The following NELL2 variants were observed in gnomAD, a reference collection of about 807,000 sequenced individuals.
NELL2 encodes the protein protein kinase C-binding protein NELL2.
Under a neutral mutation model 109.6 loss-of-function variants are expected in NELL2, and 41 were observed. That is an observed-to-expected ratio of 0.37 (90% CI 0.29 to 0.49). The LOEUF (loss-of-function observed/expected upper bound fraction) is 0.49, where lower values mean the gene tolerates loss of function less well. Among genes scored for constraint, NELL2 ranks in the 20% least tolerant of loss-of-function variants. NELL2 has a pLI of 0.98. For missense variants in NELL2, 900 were observed against 1,008.3 expected (o/e 0.89, Z 1.45); for synonymous variants, 355 against 344.7 (o/e 1.03, Z -0.33).
chr12:44,700,925 G>A (rs1160216830), intron 12 of NELL2, among the ~76,000 whole-genome samples: 1 of 151,958 alleles, frequency 6.6e-6, no homozygotes, highest in African/African-American at 2.4e-5. Context: ...CCATGATCAG[G>A]AAAACTATTA....
At chr12:44,755,698 T>G (rs1442409004) in intron 9 of NELL2, among the ~76,000 whole-genome samples, 1 of 152,168 alleles carries the variant, frequency 6.6e-6, no homozygotes, top group Admixed American at 6.6e-5. Flanking sequence ...TCAACCTTGT[T>G]AGTGCTTCCT....
chr12:44,524,675 T>G (rs566937372), intron 16 of NELL2, among the ~76,000 whole-genome samples: 176 of 152,266 alleles, frequency 1.2e-3, no homozygotes, highest in Admixed American at 2.3e-3. Flanking sequence ...ACAGGACATT[T>G]TTTTTCTATT....
intron 1 of NELL2, among the ~76,000 whole-genome samples, chr12:44,919,418 A>G (rs1361667049): frequency 1.3e-5 from 2 of 152,160 alleles, no homozygotes; most frequent in Non-Finnish European, 2.9e-5. Context: ...TGTGGGTTGC[A>G]CTGTGTTCCC....
At chr12:44,816,877 G>A (rs570826705) in intron 2 of NELL2, among the ~76,000 whole-genome samples, 30 of 152,286 alleles carry the variant, frequency 2.0e-4, no homozygotes, top group Admixed American at 5.2e-4. Flanking sequence ...AGATTATATG[G>A]GGAAACAGAT....
intron 1 of NELL2, among the ~76,000 whole-genome samples, chr12:44,911,421 T>G (rs1439120471): frequency 6.6e-6 from 1 of 152,032 alleles, no homozygotes; most frequent in Non-Finnish European, 1.5e-5. Flanking sequence ...ATGATGGCAC[T>G]GTGGTTCAGT....
chr12:44,670,724 C>A (rs1948110095), intron 12 of NELL2, among the ~76,000 whole-genome samples: 1 of 151,618 alleles, frequency 6.6e-6, no homozygotes, highest in Admixed American at 6.6e-5. Flanking sequence ...ATATAGATGA[C>A]AAAGGAATCA....
intron 9 of NELL2, among the ~76,000 whole-genome samples, chr12:44,746,541 C>G (rs994149053): frequency 2.0e-5 from 3 of 152,112 alleles, no homozygotes; most frequent in Non-Finnish European, 1.5e-5. Flanking sequence ...ATTTTTGCAA[C>G]CTACTCATCT....
At chr12:44,851,070 C>A (rs911187571) in intron 2 of NELL2, among the ~76,000 whole-genome samples, 1 of 152,100 alleles carries the variant, frequency 6.6e-6, no homozygotes, top group Non-Finnish European at 1.5e-5. Context: ...TGAAACTAGG[C>A]TAGAGTGCTA....
At chr12:44,587,986 C>T (rs567663233) in intron 15 of NELL2, among the ~76,000 whole-genome samples, 1 of 151,994 alleles carries the variant, frequency 6.6e-6, no homozygotes, top group Non-Finnish European at 1.5e-5. Flanking sequence ...CCCGTCTCTA[C>T]TAAAAATACA....
chr12:44,565,963 C>A (rs1440079759), intron 15 of NELL2, among the ~76,000 whole-genome samples: 1 of 152,020 alleles, frequency 6.6e-6, no homozygotes, highest in African/African-American at 2.4e-5. Context: ...TGATTGGTCT[C>A]CTCTGAATTT....
intron 15 of NELL2, among the ~76,000 whole-genome samples, chr12:44,566,822 T>C (rs921158247): frequency 7.3e-6 from 1 of 136,960 alleles, no homozygotes; most frequent in Admixed American, 7.2e-5. Context: ...ACTATATGCA[T>C]TTTTTTTTTT....
intron 13 of NELL2, among the ~76,000 whole-genome samples, chr12:44,661,240 G>C (rs1025325336): frequency 6.6e-6 from 1 of 152,198 alleles, no homozygotes; most frequent in Non-Finnish European, 1.5e-5. Context: ...TGGGAAAGGG[G>C]GGCAAGATGT....
intron 2 of NELL2, among the ~76,000 whole-genome samples, chr12:44,849,685 T>C (rs1043777632): frequency 6.6e-6 from 1 of 152,156 alleles, no homozygotes; most frequent in African/African-American, 2.4e-5. Context: ...AAAGAAACTT[T>C]TAGAGAATAT....
chr12:44,798,186 G>A (rs762863204), intron 3 of NELL2, among the ~76,000 whole-genome samples: 1 of 150,614 alleles, frequency 6.6e-6, no homozygotes, highest in Non-Finnish European at 1.5e-5. Flanking sequence ...TTTGAGTTGG[G>A]ATTCTAATAT....
intron 19 of NELL2, among the ~76,000 whole-genome samples, chr12:44,510,808 T>C (rs1178896042): frequency 6.6e-6 from 1 of 152,166 alleles, no homozygotes; most frequent in Non-Finnish European, 1.5e-5. Context: ...ATCTCCAAGA[T>C]GCCCCAGGCT....
intron 9 of NELL2, among the ~76,000 whole-genome samples, chr12:44,728,610 T>C (rs1268319293): frequency 6.6e-6 from 1 of 152,096 alleles, no homozygotes; most frequent in Non-Finnish European, 1.5e-5. Flanking sequence ...AAAGGAAATG[T>C]ACATCTAAAT....
At chr12:44,577,425 C>A (rs1944138319) in intron 15 of NELL2, among the ~76,000 whole-genome samples, 1 of 128,344 alleles carries the variant, frequency 7.8e-6, no homozygotes, top group African/African-American at 3.1e-5. Flanking sequence ...TGTTTGAGTT[C>A]ATTGTAGATT....
intron 15 of NELL2, among the ~76,000 whole-genome samples, chr12:44,536,324 A>T (rs898727744): frequency 1.3e-5 from 2 of 152,094 alleles, no homozygotes; most frequent in Non-Finnish European, 2.9e-5. Context: ...CATTAACATG[A>T]ATTACAACAT....
chr12:44,873,159 T>C (rs1303834740), intron 2 of NELL2, among the ~76,000 whole-genome samples: 3 of 152,312 alleles, frequency 2.0e-5, no homozygotes, highest in Non-Finnish European at 4.4e-5. Context: ...ATTGGTTATA[T>C]TAAATAAAGT....
Sources: allele counts gnomAD v4.1 joint callset (sites outside exome capture counted in the v4.1 genomes callset), GRCh38; gene constraint gnomAD v4.1.1; transcripts MANE v1.5; gene names NCBI Gene and HGNC (gene_info 2026-07-23, HGNC 2026-07-21).